CNTN5: variants seen among roughly 807,000 people sequenced by gnomAD.
CNTN5 encodes contactin-5.
In CNTN5, 77 loss-of-function variants were observed where a neutral mutation model predicts 129.1. The observed-to-expected ratio is 0.60, with a 90% confidence interval of 0.50 to 0.72. CNTN5 has a LOEUF of 0.72. Among genes scored for constraint, CNTN5 ranks in the 30% least tolerant of loss-of-function variants. The pLI is 0.00. For missense variants in CNTN5, 1,478 were observed against 1,328.8 expected, an observed-to-expected ratio of 1.11 and a Z score of -1.75; for synonymous variants, 509 against 465.6, an observed-to-expected ratio of 1.09 and a Z score of -1.20.
intron 16 of CNTN5, among the ~76,000 whole-genome samples, chr11:100,237,257 C>T (rs944054040): frequency 6.6e-6 from 1 of 151,774 alleles, no homozygotes; most frequent in African/African-American, 2.4e-5. Context: ...GAAAGGCAAC[C>T]CACTGACTGA....
rs185706194 is a variant in CNTN5 at position 99,997,481 on chromosome 11, A to G, written c.878-4553A>G. On this transcript the variant is annotated intron_variant, in intron 8 of 24. Coordinates refer to ENST00000524871, the MANE Select transcript of CNTN5 (RefSeq NM_014361.4). ...AAGAAGTTGAATCTCTGAATAGACC[A>G]ACAACAGGAGCTGCAATTGTGGCAA... Among the ~76,000 whole-genome samples the G allele has an allele frequency of 3.8e-3, 574 of 152,352 alleles. 2 individuals are homozygous for G. Among genetic ancestry groups the G allele is most frequent in the African/African-American group, 0.013 (544 of 41,578 alleles).
At chr11:99,797,804 G>A (rs1475023616) in intron 3 of CNTN5, among the ~76,000 whole-genome samples, 3 of 151,988 alleles carry the variant, frequency 2.0e-5, no homozygotes, top group African/African-American at 7.3e-5. Flanking sequence ...ATTTTTGTGT[G>A]TGTTGGAATA....
At chr11:99,367,078 G>T (rs185880728) in intron 2 of CNTN5, among the ~76,000 whole-genome samples, 9 of 152,226 alleles carry the variant, frequency 5.9e-5, no homozygotes, top group Admixed American at 3.3e-4. Context: ...GGTTTAAAAT[G>T]ATCTGACAAG....
At chr11:100,192,453 T>C (rs1358917178) in intron 14 of CNTN5, among the ~76,000 whole-genome samples, 4 of 152,012 alleles carry the variant, frequency 2.6e-5, no homozygotes, top group African/African-American at 9.7e-5. Flanking sequence ...TCTCAGTGAC[T>C]GCATAGAAGG....
chr11:99,081,962 A>T (rs1293749744), intron 1 of CNTN5, among the ~76,000 whole-genome samples: 1 of 152,176 alleles, frequency 6.6e-6, no homozygotes, highest in Non-Finnish European at 1.5e-5. Context: ...TATAACATAC[A>T]AAATTTTAAA....
chr11:100,258,618 A>G (rs1033185867), intron 17 of CNTN5, among the ~76,000 whole-genome samples: 5 of 147,788 alleles, frequency 3.4e-5, no homozygotes, highest in African/African-American at 9.7e-5. Context: ...GCCAGAAGAG[A>G]GTGGGGGCCA....
chr11:99,636,016 A>T (rs1951536924), intron 3 of CNTN5, among the ~76,000 whole-genome samples: 1 of 152,168 alleles, frequency 6.6e-6, no homozygotes, highest in Non-Finnish European at 1.5e-5. Context: ...ATTAAAATTT[A>T]TTTTTAGTCT....
At chr11:99,997,046 T>G (rs2137443901) in intron 8 of CNTN5, among the ~76,000 whole-genome samples, 1 of 152,276 alleles carries the variant, frequency 6.6e-6, no homozygotes, top group East Asian at 1.9e-4. Flanking sequence ...AAACTAATCA[T>G]ACCTTGACTC....
chr11:100,261,336 T>C (rs972383059), intron 17 of CNTN5, among the ~76,000 whole-genome samples: 2 of 152,142 alleles, frequency 1.3e-5, no homozygotes, highest in Non-Finnish European at 2.9e-5. Context: ...TGCTCTTGGA[T>C]AGGAAGAATC....
At chr11:99,746,609 A>T (rs553258388) in intron 3 of CNTN5, among the ~76,000 whole-genome samples, 1 of 152,218 alleles carries the variant, frequency 6.6e-6, no homozygotes, top group East Asian at 1.9e-4. Flanking sequence ...TTGTGAACTG[A>T]GCATGTGAGG....
intron 1 of CNTN5, among the ~76,000 whole-genome samples, chr11:99,273,390 G>A (rs1327307852): frequency 6.6e-6 from 1 of 151,770 alleles, no homozygotes; most frequent in Non-Finnish European, 1.5e-5. Flanking sequence ...TACTAGGTCC[G>A]CTTCTCTAGT....
In CNTN5 at chr11:100,158,699, A is replaced by AAGTT. The variant is rs753062581; in HGVS notation, c.1581-32425_1581-32422dup. On this transcript the variant is annotated intron_variant, in intron 13 of 24. Transcript: ENST00000524871. Reference sequence around the variant, plus strand: ...AACATTTTAATAATCTGAAAATACCAAGTTATAATGGAACAAGGGGCAACC... The same window carrying AAGTT: ...AACATTTTAATAATCTGAAAATACCAAGTTAGTTATAATGGAACAAGGGGCAACC... Among the ~76,000 whole-genome samples the AAGTT allele has an allele frequency of 2.0e-5, 3 of 151,890 alleles. No individual in the cohort carries two copies. The East Asian group carries it at 5.8e-4, about 29-fold the overall frequency.
chr11:99,914,229 G>T lies in CNTN5; in HGVS notation c.578-1825G>T, dbSNP rs1466558090. On this transcript the variant is annotated intron_variant, in intron 6 of 24. Transcript: ENST00000524871. ...CCAGCCTGGGCAACAGAGGGAGGAG[G>T]CTCTCAAAATATACATTAAAGTCCT... is the stretch of plus-strand genomic sequence containing the variant. Among the ~76,000 whole-genome samples the T allele has an allele frequency of 3.9e-5, 6 of 151,976 alleles. No individual in the cohort carries two copies. The South Asian group carries it at 1.2e-3, about 31-fold the overall frequency.
chr11:99,858,407 A>C (rs536021866), intron 6 of CNTN5, among the ~76,000 whole-genome samples: 1 of 152,114 alleles, frequency 6.6e-6, no homozygotes, highest in South Asian at 2.1e-4. Flanking sequence ...AAAAAATTGT[A>C]TAATGTCTGG....
intron 9 of CNTN5, among the ~76,000 whole-genome samples, chr11:100,023,207 T>TTTCA: frequency 6.6e-6 from 1 of 152,342 alleles, no homozygotes; most frequent in South Asian, 2.1e-4. Flanking sequence ...TCTTTGTATG[T>TTTCA]TTCACCTTTT....
At chr11:99,509,799 A>C (rs1295493136) in intron 2 of CNTN5, among the ~76,000 whole-genome samples, 2 of 151,998 alleles carry the variant, frequency 1.3e-5, no homozygotes, top group Non-Finnish European at 2.9e-5. Flanking sequence ...TCTATTTATT[A>C]ATGTTATGAA....
intron 2 of CNTN5, among the ~76,000 whole-genome samples, chr11:99,538,198 C>A (rs930788268): frequency 3.3e-5 from 5 of 152,064 alleles, no homozygotes; most frequent in African/African-American, 4.8e-5. Flanking sequence ...TAAACTCTTC[C>A]CTTTGGGATC....
Position 99,668,145 on chromosome 11 carries a change from T to C in CNTN5, c.55+111876T>C, listed in dbSNP as rs116230490. Among the ~76,000 whole-genome samples, 571 of 152,258 alleles carry C rather than the reference T, an allele frequency of 3.8e-3. 4 individuals are homozygous for C. Among genetic ancestry groups the C allele is most frequent in the African/African-American group, 0.012 (515 of 41,564 alleles). ...CTTGTCATTTCTAGTTGAATGTTAT[T>C]GCCACTTCAGATAAAGTTGCCAAGC... On this transcript the variant is annotated intron_variant, in intron 3 of 24. Coordinates refer to ENST00000524871, the MANE Select transcript of CNTN5 (RefSeq NM_014361.4).
intron 1 of CNTN5, among the ~76,000 whole-genome samples, chr11:99,143,658 A>AT (rs1859642371): frequency 1.3e-5 from 2 of 152,066 alleles, no homozygotes; most frequent in African/African-American, 4.8e-5. Flanking sequence ...TGCACTACTG[A>AT]TTTTACCTTT....
Sources: gnomAD v4.1 joint callset for allele counts (sites outside exome capture counted in the v4.1 genomes callset) on GRCh38, gnomAD v4.1.1 for gene constraint, MANE v1.5 for transcripts, NCBI Gene and HGNC (gene_info 2026-07-23, HGNC 2026-07-21) for gene names.